Variants in PCDHGA2 observed in about 807,000 individuals in gnomAD.
The protein encoded by PCDHGA2 is protocadherin gamma-A2.
In PCDHGA2, 40 loss-of-function variants were observed where a neutral mutation model predicts 59.2. That is an observed-to-expected ratio of 0.68 (90% CI 0.52 to 0.88). PCDHGA2 has a LOEUF of 0.88. Among genes scored for constraint, PCDHGA2 ranks in the 40% least tolerant of loss-of-function variants. The pLI is 0.00. For missense variants in PCDHGA2, 1,226 were observed against 1,204.0 expected (o/e 1.02, Z -0.27); for synonymous variants, 560 against 526.0 (o/e 1.06, Z -0.89).
chr5:141,355,624 G>C (rs774952817), intron 1 of PCDHGA2: 1 of 1,614,002 alleles, frequency 6.2e-7, no homozygotes, highest in South Asian at 1.1e-5. Context: ...GGAAATAAAA[G>C]TTGCTGAAAA....
intron 1 of PCDHGA2, among the ~76,000 whole-genome samples, chr5:141,468,962 C>T (rs2099187487): frequency 6.7e-6 from 1 of 148,782 alleles, no homozygotes; most frequent in Non-Finnish European, 1.5e-5. Context: ...GTTTTTTTTA[C>T]CTTAGGCTTT....
chr5:141,351,168 T>C (rs1758662853), intron 1 of PCDHGA2: 1 of 1,613,866 alleles, frequency 6.2e-7, no homozygotes, highest in African/African-American at 1.3e-5. Flanking sequence ...AATGGCACAT[T>C]GGATTTTGAA....
chr5:141,430,938 C>A, intron 1 of PCDHGA2: 1 of 1,607,082 alleles, frequency 6.2e-7, no homozygotes, highest in Non-Finnish European at 8.5e-7. Context: ...CGGGAGCTCG[C>A]GGAGCGCGGA....
chr5:141,501,478 T>A (rs536337246), intron 2 of PCDHGA2, among the ~76,000 whole-genome samples: 5 of 151,890 alleles, frequency 3.3e-5, no homozygotes, highest in Non-Finnish European at 7.4e-5. Flanking sequence ...CCTGGAAGAG[T>A]CCCTCATATC....
chr5:141,374,528 T>C (rs759567011), intron 1 of PCDHGA2: 27 of 1,612,930 alleles, frequency 1.7e-5, no homozygotes, highest in Non-Finnish European at 2.1e-5. Context: ...CGCAGCTCCA[T>C]CCTCTCGTTT....
intron 1 of PCDHGA2, chr5:141,393,073 C>A: frequency 1.2e-6 from 2 of 1,613,658 alleles, no homozygotes; most frequent in Non-Finnish European, 8.5e-7. Flanking sequence ...TTGATCACCG[C>A]GGGCAGGATA....
intron 1 of PCDHGA2, chr5:141,389,400 AGCGC>A (rs2150385005): frequency 1.2e-6 from 2 of 1,613,622 alleles, no homozygotes; most frequent in African/African-American, 2.7e-5. Flanking sequence ...CGTGTCCATA[AGCGC>A]GGAGAGCGGG....
intron 1 of PCDHGA2, chr5:141,345,709 C>A (rs1411036287): frequency 1.2e-6 from 2 of 1,614,118 alleles, no homozygotes; most frequent in East Asian, 2.2e-5. Context: ...AACGACAACG[C>A]GCCCGAGATC....
intron 1 of PCDHGA2, chr5:141,479,269 A>G (rs1279389471): frequency 6.6e-6 from 1 of 152,374 alleles, no homozygotes; most frequent in African/African-American, 2.4e-5. Flanking sequence ...TAAAAGTAAT[A>G]ATTTATTTCA....
At position 141,476,356 on chromosome 5, in the gene PCDHGA2, C is replaced by T. The variant is rs757679991; in HGVS notation, c.2425-18451C>T. The stretch of plus-strand genomic sequence containing the variant: ...CTAGCCGAAGATTCTTTGAGGTGAA[C>T]CGGGAGACCGGAGAGATGTTTGTGA... On this transcript the variant is annotated intron_variant, in intron 1 of 3. Coordinates refer to ENST00000394576, the MANE Select transcript of PCDHGA2 (RefSeq NM_018915.4). This position sits in a 1 kb window ranked among gnomAD's most constrained non-coding sequence, Gnocchi z 7.6. 6 of 1,613,958 alleles carry T rather than the reference C, an allele frequency of 3.7e-6. No individual in the cohort carries two copies. The African/African-American group carries it at 4.0e-5, about 11-fold the overall frequency.
intron 1 of PCDHGA2, chr5:141,424,567 A>T (rs1034112526): frequency 3.3e-5 from 5 of 152,176 alleles, no homozygotes; most frequent in African/African-American, 7.2e-5. Flanking sequence ...CTTCTCAAAA[A>T]CCTATTTTCA....
intron 1 of PCDHGA2, chr5:141,350,828 G>A (rs766864652): frequency 1.2e-6 from 2 of 1,614,010 alleles, no homozygotes; most frequent in Admixed American, 3.3e-5. Flanking sequence ...TAAATATCCG[G>A]TATTACTGCT....
intron 1 of PCDHGA2, among the ~76,000 whole-genome samples, chr5:141,433,408 A>ATCT (rs1413347413): frequency 3.1e-3 from 395 of 127,344 alleles, no homozygotes; most frequent in African/African-American, 0.011. Context: ...TCTATCTATT[A>ATCT]CTTTCTTGTA....
intron 1 of PCDHGA2, chr5:141,370,699 G>A (rs1767129462): frequency 6.2e-7 from 1 of 1,613,804 alleles, no homozygotes; most frequent in Non-Finnish European, 8.5e-7. Context: ...AAGTCGACGT[G>A]TGTTCTGGAA....
chr5:141,427,839 G>T, intron 1 of PCDHGA2: 1 of 1,547,310 alleles, frequency 6.5e-7, no homozygotes, highest in Non-Finnish European at 8.8e-7. Flanking sequence ...GCGTGCCTTC[G>T]ACCACGAGCA....
At chr5:141,420,289 AT>A in intron 1 of PCDHGA2, 1 of 1,497,936 alleles carries the variant, frequency 6.7e-7, no homozygotes, top group Non-Finnish European at 9.0e-7. Flanking sequence ...GTATTTAAAA[AT>A]GTATTTAATC....
chr5:141,383,352 G>T lies in PCDHGA2; in HGVS notation c.2424+41957G>T, dbSNP rs115561507. On this transcript the variant is annotated intron_variant, in intron 1 of 3. Coordinates refer to ENST00000394576, the MANE Select transcript of PCDHGA2 (RefSeq NM_018915.4). ...TGGAGAATACAGCTCCTGGGGTTCG[G>T]TTTCCGTTAAGCGAGGCTGGGGATC... The T allele has an allele frequency of 9.3e-4, 1,504 of 1,614,018 alleles. 9 individuals carry two copies. In the African/African-American group the frequency reaches 0.016, roughly 17 times the overall value.
chr5:141,393,464 C>T (rs1264655164), intron 1 of PCDHGA2: 10 of 1,613,912 alleles, frequency 6.2e-6, no homozygotes, highest in African/African-American at 2.7e-5. Context: ...CCTCGGATGG[C>T]GGCAAGCCGC....
At chr5:141,395,207 T>C (rs1589256269) in intron 1 of PCDHGA2, 6 of 1,613,702 alleles carry the variant, frequency 3.7e-6, no homozygotes, top group Non-Finnish European at 5.1e-6. Context: ...TAGATTTTCA[T>C]GAATATAAGA....
Sources: gnomAD v4.1 joint callset for allele counts (sites outside exome capture counted in the v4.1 genomes callset) on GRCh38, gnomAD v4.1.1 for gene constraint, Gnocchi (gnomAD v3.1) non-coding constraint, MANE v1.5 for transcripts, NCBI Gene and HGNC (gene_info 2026-07-23, HGNC 2026-07-21) for gene names.